ST8SIA1: variants seen among roughly 807,000 people sequenced by gnomAD.
The protein encoded by ST8SIA1 is ST8 alpha-N-acetyl-neuraminide alpha-2,8-sialyltransferase 1, also known as alpha-N-acetylneuraminide alpha-2,8-sialyltransferase.
ST8SIA1 carries 16 observed loss-of-function variants against 35.9 expected under a neutral mutation model. That is an observed-to-expected ratio of 0.45 (90% CI 0.30 to 0.68). The LOEUF (loss-of-function observed/expected upper bound fraction) is 0.68. ST8SIA1 is among the 30% of genes least tolerant of loss of function. ST8SIA1 has a pLI of 0.09. For synonymous variants in ST8SIA1, 170 were observed against 169.6 expected (o/e 1.00, Z -0.02); for missense variants, 383 against 453.6 (o/e 0.84, Z 1.41).
intron 2 of ST8SIA1, among the ~76,000 whole-genome samples, chr12:22,272,789 C>T (rs562312307): frequency 1.3e-5 from 2 of 152,350 alleles, no homozygotes; most frequent in South Asian, 2.1e-4. Flanking sequence ...GAAGAGACCT[C>T]GGAACCAGTT....
At chr12:22,289,301 T>TCA (rs1866146133) in intron 1 of ST8SIA1, among the ~76,000 whole-genome samples, 2 of 134,588 alleles carry the variant, frequency 1.5e-5, no homozygotes. Flanking sequence ...ATTATTATTA[T>TCA]TATCATCATG....
intron 4 of ST8SIA1, among the ~76,000 whole-genome samples, chr12:22,210,637 GA>G (rs1865166886): frequency 6.6e-6 from 1 of 152,178 alleles, no homozygotes; most frequent in African/African-American, 2.4e-5. Context: ...GCTGCACGCT[GA>G]GGTTCCTGCA....
At chr12:22,259,493 A>G (rs1487445965) in intron 2 of ST8SIA1, among the ~76,000 whole-genome samples, 1 of 151,138 alleles carries the variant, frequency 6.6e-6, no homozygotes, top group East Asian at 1.9e-4. Flanking sequence ...TTTGAGACAG[A>G]GTCTCCCTCT....
chr12:22,331,106 G>A (rs117746035), intron 1 of ST8SIA1, among the ~76,000 whole-genome samples: 8 of 152,290 alleles, frequency 5.3e-5, no homozygotes, highest in Non-Finnish European at 1.2e-4. Context: ...ATCAAGTACT[G>A]AGCTAGAAGA....
In ST8SIA1 at chr12:22,204,109, C is replaced by G. The variant is rs536415490; in HGVS notation, c.585-2071G>C. 6.6e-5 allele frequency among the ~76,000 whole-genome samples: 10 copies of G among 152,148 alleles called. No individual in the cohort carries two copies. The East Asian group carries it at 1.9e-3, about 29-fold the overall frequency. On this transcript the variant is annotated intron_variant, in intron 4 of 4. Transcript: ENST00000396037. ...CATTCTAAGAAGTGCTCCATCTTCC[C>G]CTCTGTATCTTGAGACAAGCTGTTT...
chr12:22,202,043 T>C lies in ST8SIA1; in HGVS notation c.585-5A>G, dbSNP rs754270088. ...GACCACAGAAGGTTCTGAAACCTATTGAAGAAAAAAAAAACTGTTCAATTA... is the reference window on the plus strand; with the variant it reads ...GACCACAGAAGGTTCTGAAACCTATCGAAGAAAAAAAAAACTGTTCAATTA... On this transcript the variant is annotated splice_polypyrimidine_tract_variant and splice_region_variant and intron_variant, in intron 4 of 4. Coordinates refer to ENST00000396037, the MANE Select transcript of ST8SIA1 (RefSeq NM_003034.4). 6.4e-7 allele frequency: 1 copy of C among 1,560,014 alleles called. No homozygotes were observed. Among genetic ancestry groups the C allele is most frequent in the Admixed American group, 2.1e-5 (1 of 46,736 alleles).
chr12:22,233,368 ATT>A (rs545696924), intron 4 of ST8SIA1, among the ~76,000 whole-genome samples: 1 of 147,594 alleles, frequency 6.8e-6, no homozygotes, highest in Non-Finnish European at 1.5e-5. Context: ...GTGGTGGTGT[ATT>A]TTTTTTTTTA....
intron 1 of ST8SIA1, among the ~76,000 whole-genome samples, chr12:22,311,790 G>A (rs1174095128): frequency 6.6e-6 from 1 of 152,102 alleles, no homozygotes; most frequent in Non-Finnish European, 1.5e-5. Context: ...AATCAGCAGA[G>A]TACACACAGC....
rs963392807 is a variant in ST8SIA1 at position 22,201,382 on chromosome 12, T to G, written c.*170A>C. On this transcript the variant is annotated 3_prime_UTR_variant, in exon 5 of 5. Coordinates refer to ENST00000396037, the MANE Select transcript of ST8SIA1 (RefSeq NM_003034.4). Reference sequence around the variant, plus strand: ...CATAGGATGTTTCATTTCTTATTTGTCCTCCAAGCCAACGCTGAAAGTAAA... The same window carrying G: ...CATAGGATGTTTCATTTCTTATTTGGCCTCCAAGCCAACGCTGAAAGTAAA... The G allele has an allele frequency of 1.2e-6, 1 of 844,242 alleles. No individual in the cohort carries two copies. The highest frequency in any genetic ancestry group is 1.8e-6 in the Non-Finnish European group (1 of 564,516). The allele number at this position is 844,242 out of a possible 1,614,324, so 52.3% of individuals were successfully genotyped here. A position where few individuals can be genotyped will look rare whatever the true frequency, so the allele number is the denominator to read the frequency against.
intron 1 of ST8SIA1, among the ~76,000 whole-genome samples, chr12:22,305,902 A>G (rs1866378304): frequency 6.6e-6 from 1 of 152,170 alleles, no homozygotes; most frequent in South Asian, 2.1e-4. Context: ...CATAACTTCT[A>G]ATCTTGTGGT....
intron 1 of ST8SIA1, among the ~76,000 whole-genome samples, chr12:22,296,160 G>C (rs1320024293): frequency 6.6e-6 from 1 of 152,160 alleles, no homozygotes; most frequent in African/African-American, 2.4e-5. Flanking sequence ...AGGCCATCAA[G>C]GAAACCAGCG....
At position 22,201,970 on chromosome 12, in the gene ST8SIA1, A is replaced by C. The variant is rs1478294526; in HGVS notation, c.653T>G (p.Ile218Ser). The change falls in exon 5 of 5, where the codon ATC becomes AGC. Residue 218 changes from isoleucine to serine, a missense_variant. Physicochemically the swap from Ile to Ser is moderately radical, Grantham distance 142. Coordinates refer to ENST00000396037, the MANE Select transcript of ST8SIA1 (RefSeq NM_003034.4). Reference protein sequence around the residue: ...DNMKIYNHSYIYMPAFSMKTG... With the variant: ...DNMKIYNHSYSYMPAFSMKTG... ...CTTCATAGAAAAGGCAGGCATGTAG[A>C]TGTAACTGTGGTTATAAATTTTCAT... 6.2e-7 allele frequency: 1 copy of C among 1,613,824 alleles called. No individual in the cohort carries two copies. Among genetic ancestry groups the C allele is most frequent in the African/African-American group, 1.3e-5 (1 of 74,902 alleles).
intron 2 of ST8SIA1, among the ~76,000 whole-genome samples, chr12:22,284,701 A>G (rs1419691998): frequency 1.3e-5 from 2 of 152,224 alleles, no homozygotes; most frequent in Admixed American, 1.3e-4. Flanking sequence ...TCCCAAGAAA[A>G]AAGTATTCTT....
chr12:22,225,696 TTTC>T (rs1865349042), intron 4 of ST8SIA1, among the ~76,000 whole-genome samples: 1 of 152,180 alleles, frequency 6.6e-6, no homozygotes, highest in Admixed American at 6.5e-5. Flanking sequence ...AATCAAATGT[TTTC>T]TTGCTTTATT....
chr12:22,295,621 C>A (rs1311890373), intron 1 of ST8SIA1, among the ~76,000 whole-genome samples: 2 of 151,998 alleles, frequency 1.3e-5, no homozygotes, highest in African/African-American at 2.4e-5. Context: ...GTGGTTCCAG[C>A]TACTTGGGAA....
chr12:22,269,595 T>A (rs1213664479), intron 2 of ST8SIA1, among the ~76,000 whole-genome samples: 1 of 152,188 alleles, frequency 6.6e-6, no homozygotes, highest in Non-Finnish European at 1.5e-5. Flanking sequence ...GTTGAATATT[T>A]TAGGTTATTC....
At chr12:22,299,747 C>T (rs936507345) in intron 1 of ST8SIA1, among the ~76,000 whole-genome samples, 4 of 151,976 alleles carry the variant, frequency 2.6e-5, no homozygotes, top group African/African-American at 9.7e-5. Flanking sequence ...TTTTTTAACC[C>T]AAAGTTCAAC....
At chr12:22,219,364 A>G (rs943005688) in intron 4 of ST8SIA1, among the ~76,000 whole-genome samples, 11 of 152,126 alleles carry the variant, frequency 7.2e-5, no homozygotes, top group African/African-American at 2.7e-4. Flanking sequence ...TGTGTCATAA[A>G]CTCAAACTGA....
intron 3 of ST8SIA1, among the ~76,000 whole-genome samples, chr12:22,249,455 T>C (rs182983917): frequency 9.5e-4 from 144 of 152,062 alleles, no homozygotes; most frequent in African/African-American, 3.1e-3. Flanking sequence ...CTCCTGACCT[T>C]GTGATCTGCC....
Sources: allele counts gnomAD v4.1 joint callset (sites outside exome capture counted in the v4.1 genomes callset), GRCh38; gene constraint gnomAD v4.1.1; transcripts MANE v1.5; gene names NCBI Gene and HGNC (gene_info 2026-07-23, HGNC 2026-07-21).